ATXN7L1: variants seen among roughly 807,000 people sequenced by gnomAD.
The protein encoded by ATXN7L1 is ataxin-7-like protein 1.
In ATXN7L1, 15 loss-of-function variants were observed where a neutral mutation model predicts 70.8. The ratio of observed to expected loss-of-function variants is 0.21; its 90% CI spans 0.14 to 0.33. ATXN7L1 has a LOEUF of 0.33. Among genes scored for constraint, ATXN7L1 ranks in the 10% least tolerant of loss-of-function variants. The probability of loss-of-function intolerance (pLI) is 1.00; values close to 1 mark genes in which losing one functional copy is unlikely to be tolerated. For missense variants in ATXN7L1, 975 were observed against 1,097.1 expected (o/e 0.89, Z 1.57); for synonymous variants, 440 against 445.1 (o/e 0.99, Z 0.14).
chr7:105,615,155 C>T (rs1437650840), intron 9 of ATXN7L1, among the ~76,000 whole-genome samples: 4 of 152,052 alleles, frequency 2.6e-5, no homozygotes. Context: ...TCAACCACTG[C>T]CCCCACCCCC....
At chr7:105,750,588 G>C (rs1412373110) in intron 3 of ATXN7L1, among the ~76,000 whole-genome samples, 3 of 148,194 alleles carry the variant, frequency 2.0e-5, no homozygotes, top group African/African-American at 7.3e-5. Context: ...CATCGCCTGA[G>C]GTCAGGCGTT....
chr7:105,688,593 C>T (rs1054984785), intron 3 of ATXN7L1, among the ~76,000 whole-genome samples: 1 of 152,032 alleles, frequency 6.6e-6, no homozygotes, highest in East Asian at 1.9e-4. Flanking sequence ...GAGGGTCAGT[C>T]AGGGAATTCT....
At chr7:105,798,444 G>A (rs936470397) in intron 2 of ATXN7L1, among the ~76,000 whole-genome samples, 1 of 152,224 alleles carries the variant, frequency 6.6e-6, no homozygotes, top group African/African-American at 2.4e-5. Flanking sequence ...TGCACTGTCT[G>A]ACACTGGGCC....
chr7:105,667,694 G>A (rs1327764662), intron 3 of ATXN7L1, among the ~76,000 whole-genome samples: 1 of 65,686 alleles, frequency 1.5e-5, no homozygotes, highest in Non-Finnish European at 3.0e-5. Flanking sequence ...GCGAGACTCC[G>A]TCTCAAAAAA....
At chr7:105,656,576 CTT>C (rs10690416) in intron 4 of ATXN7L1, among the ~76,000 whole-genome samples, 12 of 139,846 alleles carry the variant, frequency 8.6e-5, no homozygotes, top group Non-Finnish European at 1.1e-4. Context: ...CTTCTTCTTC[CTT>C]TTTTTTTTTT....
rs568508147 is a variant in ATXN7L1 at position 105,745,699 on chromosome 7, C to T, written c.355+42905G>A. ...CAACCGATCCCCTTGGCCTTTGGGACGATGCTGGGCCTGTTGGGAGGGGCA... is the reference window on the plus strand; with the variant it reads ...CAACCGATCCCCTTGGCCTTTGGGATGATGCTGGGCCTGTTGGGAGGGGCA... On this transcript the variant is annotated intron_variant, in intron 3 of 11. Coordinates refer to ENST00000419735, the MANE Select transcript of ATXN7L1 (RefSeq NM_020725.2). Among the ~76,000 whole-genome samples, 7 of 152,296 alleles carry T rather than the reference C, an allele frequency of 4.6e-5. No individual in the cohort carries two copies. The South Asian group carries it at 6.2e-4, about 14-fold the overall frequency.
intron 3 of ATXN7L1, among the ~76,000 whole-genome samples, chr7:105,750,329 T>A (rs949903320): frequency 1.3e-5 from 2 of 151,478 alleles, no homozygotes; most frequent in Non-Finnish European, 2.9e-5. Flanking sequence ...CCGGGCTGAG[T>A]GCAGTGATGA....
intron 2 of ATXN7L1, among the ~76,000 whole-genome samples, chr7:105,870,465 A>G (rs1220866607): frequency 2.0e-5 from 3 of 152,192 alleles, no homozygotes; most frequent in Admixed American, 1.3e-4. Context: ...AGCTTCATTA[A>G]TAATGATAAT....
At chr7:105,671,455 C>T (rs1177676666) in intron 3 of ATXN7L1, among the ~76,000 whole-genome samples, 1 of 152,114 alleles carries the variant, frequency 6.6e-6, no homozygotes, top group Non-Finnish European at 1.5e-5. Context: ...GCACCACTCA[C>T]CTACTTTAGG....
At chr7:105,752,366 G>A (rs552083515) in intron 3 of ATXN7L1, among the ~76,000 whole-genome samples, 4 of 152,176 alleles carry the variant, frequency 2.6e-5, no homozygotes, top group Non-Finnish European at 4.4e-5. Context: ...GAGTGACAAC[G>A]TATGTGTTGC....
chr7:105,800,002 T>C (rs78621144), intron 2 of ATXN7L1, among the ~76,000 whole-genome samples: 6,377 of 152,220 alleles, frequency 0.042, 466 homozygotes, highest in African/African-American at 0.14. Flanking sequence ...TCAGCACATC[T>C]GGGCCCCTCA....
intron 7 of ATXN7L1, among the ~76,000 whole-genome samples, chr7:105,634,075 T>C (rs1353070317): frequency 6.6e-6 from 1 of 152,128 alleles, no homozygotes; most frequent in East Asian, 1.9e-4. Context: ...TCCAGGGTGA[T>C]ACCTGGTGGG....
At chr7:105,701,758 G>A (rs910323025) in intron 3 of ATXN7L1, among the ~76,000 whole-genome samples, 3 of 152,172 alleles carry the variant, frequency 2.0e-5, no homozygotes, top group African/African-American at 7.2e-5. Flanking sequence ...AGGCTGGACT[G>A]CAGTGGTGTG....
intron 4 of ATXN7L1, among the ~76,000 whole-genome samples, chr7:105,652,055 G>C (rs776171572): frequency 6.6e-6 from 1 of 152,150 alleles, no homozygotes; most frequent in Non-Finnish European, 1.5e-5. Flanking sequence ...AGTGCTAAGT[G>C]TCCTGACATT....
chr7:105,784,040 C>T (rs971828952), intron 3 of ATXN7L1, among the ~76,000 whole-genome samples: 2 of 152,162 alleles, frequency 1.3e-5, no homozygotes. Context: ...TAGCTCACTG[C>T]AACCTCAACC....
At chr7:105,774,642 G>A (rs1426322831) in intron 3 of ATXN7L1, among the ~76,000 whole-genome samples, 2 of 152,034 alleles carry the variant, frequency 1.3e-5, no homozygotes, top group African/African-American at 2.4e-5. Flanking sequence ...GTGAACCACC[G>A]CGCCCGGCCC....
intron 3 of ATXN7L1, among the ~76,000 whole-genome samples, chr7:105,753,257 A>G (rs986007276): frequency 6.6e-6 from 1 of 152,224 alleles, no homozygotes; most frequent in Non-Finnish European, 1.5e-5. Context: ...GCAGCTCTGC[A>G]ACTAAGTGGC....
chr7:105,613,654 A>G, intron 10 of ATXN7L1: 1 of 1,429,894 alleles, frequency 7.0e-7, no homozygotes, highest in Non-Finnish European at 9.2e-7. Flanking sequence ...TAAAGTGCCG[A>G]GAACAGTGTC....
chr7:105,835,714 G>A (rs559043252), intron 2 of ATXN7L1, among the ~76,000 whole-genome samples: 1 of 152,184 alleles, frequency 6.6e-6, no homozygotes, highest in South Asian at 2.1e-4. Flanking sequence ...TTCTCTTCTG[G>A]CCAACAAGAG....
Sources: gnomAD v4.1 joint callset for allele counts (sites outside exome capture counted in the v4.1 genomes callset) on GRCh38, gnomAD v4.1.1 for gene constraint, MANE v1.5 for transcripts, NCBI Gene and HGNC (gene_info 2026-07-23, HGNC 2026-07-21) for gene names.